Variants in TNFAIP1 observed in about 807,000 individuals in gnomAD.
TNFAIP1 encodes TNF alpha induced protein 1.
TNFAIP1 carries 20 observed loss-of-function variants against 32.6 expected under a neutral mutation model. The ratio of observed to expected loss-of-function variants is 0.61; its 90% CI spans 0.43 to 0.89. TNFAIP1 has a LOEUF of 0.89. Among genes scored for constraint, TNFAIP1 ranks in the 40% least tolerant of loss-of-function variants. The probability of loss-of-function intolerance (pLI) is 0.00; values close to 1 mark genes in which losing one functional copy is unlikely to be tolerated. For synonymous variants in TNFAIP1, 166 were observed against 166.8 expected, an observed-to-expected ratio of 1.00 and a Z score of 0.04; for missense variants, 319 against 425.1, an observed-to-expected ratio of 0.75 and a Z score of 2.20.
At chr17:28,339,174 G>T (rs1003407890) in intron 1 of TNFAIP1, among the ~76,000 whole-genome samples, 13 of 151,032 alleles carry the variant, frequency 8.6e-5, no homozygotes, top group African/African-American at 2.4e-4. Context: ...GGAGGCAAAG[G>T]CTGCAGTGAG....
rs1425792161 is a variant in TNFAIP1, at chr17:28,340,741, CTGTTTT to C, written c.375+277_375+282del. Among the ~76,000 whole-genome samples the C allele has an allele frequency of 4.6e-5, 7 of 151,984 alleles. No homozygotes were observed. The highest frequency in any genetic ancestry group is 6.6e-5 in the Admixed American group (1 of 15,252). On this transcript the variant is annotated intron_variant, in intron 3 of 6. Transcript: ENST00000226225. This position sits in a 1 kb window ranked among gnomAD's most constrained non-coding sequence, Gnocchi z 4.1. ...GGTTTTTCTGTTTTTGCTTTTGTTT[CTGTTTT>C]TGTTTTTGTTTTTTGAGACAGGGTT...
chr17:28,346,686 T>G lies in TNFAIP1; in HGVS notation c.*2086T>G, dbSNP rs908449882. On this transcript the variant is annotated 3_prime_UTR_variant, in exon 7 of 7. Coordinates refer to ENST00000226225, the MANE Select transcript of TNFAIP1 (RefSeq NM_021137.5). ...TGACTTAAAAGTTTGGGGGTTTTCTTTGAAAGTTTCCAGCCCTATTCAGAA... is the reference window on the plus strand; with the variant it reads ...TGACTTAAAAGTTTGGGGGTTTTCTGTGAAAGTTTCCAGCCCTATTCAGAA... 9.2e-5 allele frequency: 14 copies of G among 152,230 alleles called. No homozygotes were observed. Among genetic ancestry groups the G allele is most frequent in the African/African-American group, 3.4e-4 (14 of 41,452 alleles). 9.4% of individuals were successfully genotyped at this position (152,230 alleles called of 1,614,324 possible). A position where few individuals can be genotyped will look rare whatever the true frequency, so the allele number is the denominator to read the frequency against.
At position 28,342,483 on chromosome 17, in the gene TNFAIP1, A is replaced by G; in HGVS notation, c.714+41A>G. 1 of 1,538,828 alleles carries G rather than the reference A, an allele frequency of 6.5e-7. No homozygotes were observed. The highest frequency in any genetic ancestry group is 8.9e-7 in the Non-Finnish European group (1 of 1,127,780). ...CCTGCCTGGGTAGGGGAGGACACACACCCACTGTGCGGGGGACGTGGTCGG... is the reference window on the plus strand; with the variant it reads ...CCTGCCTGGGTAGGGGAGGACACACGCCCACTGTGCGGGGGACGTGGTCGG... On this transcript the variant is annotated intron_variant, in intron 6 of 6. Transcript: ENST00000226225. This position sits in a 1 kb window ranked among gnomAD's most constrained non-coding sequence, Gnocchi z 4.0.
chr17:28,339,017 G>A (rs546015196), intron 1 of TNFAIP1, among the ~76,000 whole-genome samples: 3 of 149,680 alleles, frequency 2.0e-5, no homozygotes, highest in Non-Finnish European at 4.4e-5. Flanking sequence ...GATCGCCTGC[G>A]CTCAGGAATT....
At chr17:28,337,349 C>T (rs1555577569) in intron 1 of TNFAIP1, among the ~76,000 whole-genome samples, 2 of 152,132 alleles carry the variant, frequency 1.3e-5, no homozygotes, top group African/African-American at 2.4e-5. Context: ...AAACCAACTT[C>T]CCCCTACTGT....
rs1330861012 is a variant in TNFAIP1, at chr17:28,345,568, A to G, written c.*968A>G. ...AAGAGCTGTCACATGGGCCAGAAAC[A>G]TGAGCCACGGCAGGAAGACCGTGGA... On this transcript the variant is annotated 3_prime_UTR_variant, in exon 7 of 7. Coordinates refer to ENST00000226225, the MANE Select transcript of TNFAIP1 (RefSeq NM_021137.5). The G allele has an allele frequency of 1.3e-5, 2 of 152,272 alleles. No homozygotes were observed. Among genetic ancestry groups the G allele is most frequent in the Non-Finnish European group, 2.9e-5 (2 of 68,066 alleles). The allele number at this position is 152,272 out of a possible 1,614,324, so 9.4% of individuals were successfully genotyped here. A position where few individuals can be genotyped will look rare whatever the true frequency, so the allele number is the denominator to read the frequency against.
In TNFAIP1 at chr17:28,344,470, G is replaced by A. The variant is rs781868316; in HGVS notation, c.821G>A (p.Arg274His). ...NSLLEATSRS[R>H]SQASPSEDEE... ...TTGTTGGAGGCCACAAGCCGTAGCC[G>A]CAGCCAGGCTTCCCCCAGTGAAGAT... is the stretch of plus-strand genomic sequence containing the variant. Residue 274 changes from arginine (R) to histidine (H), a missense_variant, in exon 7 of 7, where the codon CGC (arginine) becomes CAC (histidine). Arg to His is a conservative substitution (Grantham distance 29). Coordinates refer to ENST00000226225, the MANE Select transcript of TNFAIP1 (RefSeq NM_021137.5). 1.5e-5 allele frequency: 25 copies of A among 1,613,870 alleles called. No individual in the cohort carries two copies. Among genetic ancestry groups the A allele is most frequent in the East Asian group, 6.7e-5 (3 of 44,890 alleles).
In TNFAIP1 at chr17:28,341,475, C is replaced by A. The variant is rs782046108; in HGVS notation, c.518+19C>A. 6.2e-7 allele frequency: 1 copy of A among 1,613,878 alleles called. No homozygotes were observed. The highest frequency in any genetic ancestry group is 1.1e-5 in the South Asian group (1 of 91,066). ...ACACCAGGTAGGGTGCGTCACAGGG[C>A]TCAACAGACACTGGGCAGCAGACCC... On this transcript the variant is annotated intron_variant, in intron 5 of 6. Transcript: ENST00000226225.
intron 2 of TNFAIP1, 64 bp downstream of exon 2, chr17:28,339,790 G>T: frequency 2.7e-5 from 41 of 1,538,058 alleles, no homozygotes; most frequent in Non-Finnish European, 3.6e-5. Context: ...GAAATGACCA[G>T]ATCTAGAATT....
Position 28,345,255 on chromosome 17 carries a change from T to A in TNFAIP1, c.*655T>A, listed in dbSNP as rs1907513556. 1 of 152,260 alleles carries A rather than the reference T, an allele frequency of 6.6e-6. No individual in the cohort carries two copies. Among genetic ancestry groups the A allele is most frequent in the Non-Finnish European group, 1.5e-5 (1 of 68,060 alleles). The allele number at this position is 152,260 out of a possible 1,614,324, so 9.4% of individuals were successfully genotyped here. On this transcript the variant is annotated 3_prime_UTR_variant, in exon 7 of 7. Transcript: ENST00000226225. ...ATGTCTTTCTACCCTAATCCCCACT[T>A]CCCTGCAGAATCAATCTGAGGGAGG...
At position 28,335,768 on chromosome 17, in the gene TNFAIP1, G is replaced by C. The variant is rs1384696338; in HGVS notation, c.-203G>C. The C allele has an allele frequency of 6.6e-6, 1 of 152,412 alleles. No homozygotes were observed. The highest frequency in any genetic ancestry group is 2.4e-5 in the African/African-American group (1 of 41,462). The allele number at this position is 152,412 out of a possible 1,614,324, so 9.4% of individuals were successfully genotyped here. On this transcript the variant is annotated 5_prime_UTR_variant, in exon 1 of 7. Coordinates refer to ENST00000226225, the MANE Select transcript of TNFAIP1 (RefSeq NM_021137.5). ...AGCGCAGGATGTGAGCTCACAGCTT[G>C]GGACTGCTGAGGGGCAGGCGGCTGC...
intron 6 of TNFAIP1, among the ~76,000 whole-genome samples, chr17:28,343,582 G>A (rs1261993549): frequency 6.6e-6 from 1 of 152,076 alleles, no homozygotes; most frequent in Non-Finnish European, 1.5e-5. Flanking sequence ...CCTATCGGTG[G>A]TGAAAGGGTT....
rs537484278 is a variant in TNFAIP1 at position 28,345,718 on chromosome 17, C to T, written c.*1118C>T. 1.3e-5 allele frequency: 2 copies of T among 152,430 alleles called. No homozygotes were observed. The highest frequency in any genetic ancestry group is 2.1e-4 in the South Asian group (1 of 4,834). The allele number at this position is 152,430 out of a possible 1,614,324, so 9.4% of individuals were successfully genotyped here. A position where few individuals can be genotyped will look rare whatever the true frequency, so the allele number is the denominator to read the frequency against. On this transcript the variant is annotated 3_prime_UTR_variant, in exon 7 of 7. Transcript: ENST00000226225. ...CTACTCCCTGCCCACACCATCTATG[C>T]TCTTGGTTGGTGCTGGCTGGGATGG...
chr17:28,339,988 G>A (rs1238381946), intron 2 of TNFAIP1, among the ~76,000 whole-genome samples: 3 of 152,214 alleles, frequency 2.0e-5, no homozygotes, highest in Admixed American at 6.5e-5. Context: ...ACTGGGCAGC[G>A]GGCAGAAGGC....
Position 28,342,139 on chromosome 17 carries a change from G to C in TNFAIP1, c.519-108G>C, listed in dbSNP as rs988723687. ...CCCCCTGGCATCTTGCTTTCATTTC[G>C]GCAGGACAGGATGGGGGAAGGGAGG... On this transcript the variant is annotated intron_variant, in intron 5 of 6. Transcript: ENST00000226225. This position sits in a 1 kb window ranked among gnomAD's most constrained non-coding sequence, Gnocchi z 4.0. 3 of 1,024,022 alleles carry C rather than the reference G, an allele frequency of 2.9e-6. No individual in the cohort carries two copies. The Admixed American group carries it at 8.0e-5, about 27-fold the overall frequency. The allele number at this position is 1,024,022 out of a possible 1,614,324, so 63.4% of individuals were successfully genotyped here.
At position 28,340,806 on chromosome 17, in the gene TNFAIP1, G is replaced by GC. The variant is rs1313093188; in HGVS notation, c.375+329dup. ...GTCACCCAGGCTGGAGTGCAGTGGT[G>GC]CGATGTCAGCTCACTGCAACTTCTG... On this transcript the variant is annotated intron_variant, in intron 3 of 6. Transcript: ENST00000226225. This position sits in a 1 kb window ranked among gnomAD's most constrained non-coding sequence, Gnocchi z 4.1. Among the ~76,000 whole-genome samples the GC allele has an allele frequency of 3.3e-5, 5 of 152,180 alleles. No homozygotes were observed. The highest frequency in any genetic ancestry group is 7.3e-5 in the Non-Finnish European group (5 of 68,036).
rs2142387973 is a variant in TNFAIP1, at chr17:28,344,761, C to T, written c.*161C>T. Reference sequence around the variant, plus strand: ...TCAGAGGGTCTGGGCAGAGGAGGGACCACATTCCCCTGCCTTGCCCCTGAG... The same window carrying T: ...TCAGAGGGTCTGGGCAGAGGAGGGATCACATTCCCCTGCCTTGCCCCTGAG... On this transcript the variant is annotated 3_prime_UTR_variant, in exon 7 of 7. Coordinates refer to ENST00000226225, the MANE Select transcript of TNFAIP1 (RefSeq NM_021137.5). 3 of 680,500 alleles carry T rather than the reference C, an allele frequency of 4.4e-6. No homozygotes were observed. In the East Asian group the frequency reaches 8.2e-5, roughly 19 times the overall value. 42.2% of individuals were successfully genotyped at this position (680,500 alleles called of 1,614,324 possible). A position where few individuals can be genotyped will look rare whatever the true frequency, so the allele number is the denominator to read the frequency against.
In TNFAIP1 at chr17:28,342,303, G is replaced by A. The variant is rs782519477; in HGVS notation, c.575G>A (p.Arg192His). ...GAGCTGTTTGACAAGCTCTCCCTGC[G>A]CTTCAACGGCCGCGTGCTCTTCATC... ...NIELFDKLSLRFNGRVLFIKD... is the reference protein window; with the variant it reads ...NIELFDKLSLHFNGRVLFIKD... The change falls in exon 6 of 7, where the codon CGC becomes CAC. Residue 192 changes from arginine (R) to histidine (H), a missense_variant. Transcript: ENST00000226225. This position sits in a 1 kb window ranked among gnomAD's most constrained non-coding sequence, Gnocchi z 4.0. 14 of 1,596,934 alleles carry A rather than the reference G, an allele frequency of 8.8e-6. No individual in the cohort carries two copies. The highest frequency in any genetic ancestry group is 2.2e-5 in the South Asian group (2 of 90,626).
rs1481552915 is a variant in TNFAIP1 at position 28,346,044 on chromosome 17, ATCAAGT to A, written c.*1448_*1453del. 1 of 152,244 alleles carries A rather than the reference ATCAAGT, an allele frequency of 6.6e-6. No individual in the cohort carries two copies. Among genetic ancestry groups the A allele is most frequent in the African/African-American group, 2.4e-5 (1 of 41,458 alleles). 9.4% of individuals were successfully genotyped at this position (152,244 alleles called of 1,614,324 possible). ...CTGCTCTTTGGAGAGAACACAGGTT[ATCAAGT>A]TCATCTCTCTTGACTACTCTTATGA... is the stretch of plus-strand genomic sequence containing the variant. On this transcript the variant is annotated 3_prime_UTR_variant, in exon 7 of 7. Coordinates refer to ENST00000226225, the MANE Select transcript of TNFAIP1 (RefSeq NM_021137.5).
Sources: allele counts gnomAD v4.1 joint callset (sites outside exome capture counted in the v4.1 genomes callset), GRCh38; gene constraint gnomAD v4.1.1; non-coding constraint Gnocchi (gnomAD v3.1); transcripts MANE v1.5; gene names NCBI Gene and HGNC (gene_info 2026-07-23, HGNC 2026-07-21).